ELP4: variants seen among roughly 807,000 people sequenced by gnomAD.
ELP4 encodes elongator complex protein 4.
In ELP4, 51 loss-of-function variants were observed where a neutral mutation model predicts 48.9. That is an observed-to-expected ratio of 1.04 (90% CI 0.83 to 1.32). The LOEUF (loss-of-function observed/expected upper bound fraction) is 1.32, where lower values mean the gene tolerates loss of function less well. Among genes scored for constraint, ELP4 ranks in the 40% most tolerant of loss-of-function variants. The pLI is 0.00. For missense variants in ELP4, 519 were observed against 514.6 expected, an observed-to-expected ratio of 1.01 and a Z score of -0.08; for synonymous variants, 210 against 189.2, an observed-to-expected ratio of 1.11 and a Z score of -0.90.
chr11:31,630,741 G>A (rs938731952), intron 6 of ELP4, among the ~76,000 whole-genome samples: 3 of 152,012 alleles, frequency 2.0e-5, no homozygotes, highest in Admixed American at 6.6e-5. Context: ...GCAGTTCAAG[G>A]TCAGCCTAGG....
chr11:31,687,068 G>A (rs1946176921), intron 9 of ELP4, among the ~76,000 whole-genome samples: 1 of 152,094 alleles, frequency 6.6e-6, no homozygotes, highest in African/African-American at 2.4e-5. Context: ...TAAGAGAAAA[G>A]GAGGAGTCTA....
rs1273189003 is a variant in ELP4, at chr11:31,788,544, GTGAAA to G, written c.*5022_*5026del. ...GAAATCTACTTTTGAATATACTTCA[GTGAAA>G]TCATTGTTGAAATAGGCTGACAATG... On this transcript the variant is annotated 3_prime_UTR_variant, in exon 10 of 10. Coordinates refer to ENST00000640961, the MANE Select transcript of ELP4 (RefSeq NM_019040.5). 3 of 222,438 alleles carry G rather than the reference GTGAAA, an allele frequency of 1.3e-5. No homozygotes were observed. The highest frequency in any genetic ancestry group is 1.3e-4 in the East Asian group (2 of 15,204). The allele number at this position is 222,438 out of a possible 1,614,324, so 13.8% of individuals were successfully genotyped here.
rs1374022826 is a variant in ELP4, at chr11:31,786,498, T to A, written c.*2974T>A. The A allele has an allele frequency of 4.5e-6, 1 of 223,416 alleles. No homozygotes were observed. The highest frequency in any genetic ancestry group is 8.9e-6 in the Non-Finnish European group (1 of 111,942). The allele number at this position is 223,416 out of a possible 1,614,324, so 13.8% of individuals were successfully genotyped here. On this transcript the variant is annotated 3_prime_UTR_variant, in exon 10 of 10. Coordinates refer to ENST00000640961, the MANE Select transcript of ELP4 (RefSeq NM_019040.5). Reference sequence around the variant, plus strand: ...TTGAGAAATGAAAAAGAGAAGAATATATATTTCGCCTTGGTGAGCCAAACA... The same window carrying A: ...TTGAGAAATGAAAAAGAGAAGAATAAATATTTCGCCTTGGTGAGCCAAACA...
At chr11:31,616,811 A>G (rs1944495392) in intron 5 of ELP4, among the ~76,000 whole-genome samples, 1 of 152,144 alleles carries the variant, frequency 6.6e-6, no homozygotes, top group South Asian at 2.1e-4. Flanking sequence ...TAACAAGCAT[A>G]TCAATAAGTG....
At chr11:31,559,202 T>A (rs945460468) in intron 3 of ELP4, among the ~76,000 whole-genome samples, 2 of 152,188 alleles carry the variant, frequency 1.3e-5, no homozygotes, top group African/African-American at 4.8e-5. Context: ...AAGATAGAGC[T>A]CTCTCTCCAG....
At chr11:31,772,333 G>A (rs2134272377) in intron 9 of ELP4, among the ~76,000 whole-genome samples, 1 of 152,110 alleles carries the variant, frequency 6.6e-6, no homozygotes, top group South Asian at 2.1e-4. Flanking sequence ...TCACCATGTT[G>A]GCCAGTCTGG....
intron 9 of ELP4, among the ~76,000 whole-genome samples, chr11:31,730,150 T>C (rs1947154678): frequency 6.6e-6 from 1 of 152,190 alleles, no homozygotes; most frequent in South Asian, 2.1e-4. Context: ...TGTCCTTGCA[T>C]ACTCCGAGTC....
At chr11:31,752,809 G>T (rs1436157297) in intron 9 of ELP4, among the ~76,000 whole-genome samples, 2 of 148,736 alleles carry the variant, frequency 1.3e-5, no homozygotes, top group Admixed American at 6.7e-5. Context: ...ACTCCAGCCT[G>T]GACGACAGAG....
intron 1 of ELP4, among the ~76,000 whole-genome samples, chr11:31,513,980 C>T (rs1956058634): frequency 6.6e-6 from 1 of 152,098 alleles, no homozygotes; most frequent in Non-Finnish European, 1.5e-5. Context: ...TTTAACCTTT[C>T]AAACCTTTAT....
At chr11:31,775,758 A>G (rs1255767334) in intron 9 of ELP4, among the ~76,000 whole-genome samples, 1 of 152,102 alleles carries the variant, frequency 6.6e-6, no homozygotes, top group Non-Finnish European at 1.5e-5. Flanking sequence ...TGAGGTCAGA[A>G]GTTCAAGACC....
intron 9 of ELP4, among the ~76,000 whole-genome samples, chr11:31,684,469 A>C (rs1946121170): frequency 6.6e-6 from 1 of 152,158 alleles, no homozygotes; most frequent in Admixed American, 6.5e-5. Context: ...GGCCTCCCAA[A>C]GTGCTGGGAT....
At chr11:31,658,075 T>G (rs1945476195) in intron 9 of ELP4, among the ~76,000 whole-genome samples, 1 of 151,944 alleles carries the variant, frequency 6.6e-6, no homozygotes, top group Non-Finnish European at 1.5e-5. Context: ...GAAGCCTGTT[T>G]TATTCTAAAG....
intron 2 of ELP4, among the ~76,000 whole-genome samples, chr11:31,526,736 A>T (rs1029575262): frequency 6.6e-6 from 1 of 151,874 alleles, no homozygotes; most frequent in African/African-American, 2.4e-5. Context: ...TTTAAATTTC[A>T]TCTCATTCTA....
At chr11:31,668,723 A>AGTGT (rs1565103665) in intron 9 of ELP4, among the ~76,000 whole-genome samples, 18 of 33,276 alleles carry the variant, frequency 5.4e-4, no homozygotes, top group Non-Finnish European at 6.9e-4. Flanking sequence ...TGTGTGTGTA[A>AGTGT]GAACCCTGTA....
At chr11:31,689,780 ATGTC>A (rs1946236730) in intron 9 of ELP4, among the ~76,000 whole-genome samples, 1 of 152,188 alleles carries the variant, frequency 6.6e-6, no homozygotes, top group South Asian at 2.1e-4. Context: ...TCAGCAAATA[ATGTC>A]TTTCTGCTTC....
intron 2 of ELP4, among the ~76,000 whole-genome samples, chr11:31,536,616 C>G (rs191453204): frequency 6.6e-5 from 10 of 152,266 alleles, no homozygotes; most frequent in African/African-American, 2.4e-4. Context: ...CCTCTCAAAG[C>G]ATGGGGATTA....
At chr11:31,642,043 G>A (rs971160589) in intron 7 of ELP4, among the ~76,000 whole-genome samples, 7 of 151,880 alleles carry the variant, frequency 4.6e-5, no homozygotes, top group Non-Finnish European at 1.0e-4. Context: ...AAATTTTTCT[G>A]TGGGTAGATT....
intron 2 of ELP4, among the ~76,000 whole-genome samples, chr11:31,539,353 G>T (rs1272069141): frequency 1.3e-5 from 2 of 152,152 alleles, no homozygotes; most frequent in Non-Finnish European, 2.9e-5. Flanking sequence ...CTACTCGGGA[G>T]GCTGAGGCAG....
At chr11:31,668,378 T>C (rs1945724030) in intron 9 of ELP4, among the ~76,000 whole-genome samples, 2 of 152,170 alleles carry the variant, frequency 1.3e-5, no homozygotes, top group Admixed American at 6.5e-5. Flanking sequence ...TTTTTTACAC[T>C]GCTCCTGTGA....
Sources: gnomAD v4.1 joint callset for allele counts (sites outside exome capture counted in the v4.1 genomes callset) on GRCh38, gnomAD v4.1.1 for gene constraint, MANE v1.5 for transcripts, NCBI Gene and HGNC (gene_info 2026-07-23, HGNC 2026-07-21) for gene names.